Variants in TDRD15 observed in about 807,000 individuals in gnomAD.
TDRD15 encodes the protein tudor domain-containing protein 15.
For missense variants in TDRD15, 1,416 were observed against 904.7 expected, an observed-to-expected ratio of 1.57 and a Z score of -7.25; for synonymous variants, 503 against 314.5, an observed-to-expected ratio of 1.60 and a Z score of -6.34.
chr2:21,133,857 G>A (rs1054449876), intron 2 of TDRD15, among the ~76,000 whole-genome samples: 1 of 151,928 alleles, frequency 6.6e-6, no homozygotes, highest in African/African-American at 2.4e-5. Context: ...AGTGTAAAAT[G>A]TACACCATAG....
downstream of TDRD15, among the ~76,000 whole-genome samples, chr2:21,146,140 T>A (rs533954761): frequency 8.5e-5 from 13 of 152,114 alleles, no homozygotes; most frequent in Middle Eastern, 3.4e-3. Context: ...AAAAAATAAT[T>A]TTAGGCTTTC....
chr2:21,133,205 G>A (rs1665752193), intron 2 of TDRD15, among the ~76,000 whole-genome samples: 1 of 152,178 alleles, frequency 6.6e-6, no homozygotes, highest in African/African-American at 2.4e-5. Flanking sequence ...TGGAAAAGAT[G>A]GGAGGAGGAA....
intron 1 of TDRD15, among the ~76,000 whole-genome samples, chr2:21,125,490 T>TG (rs1475887057): frequency 1.3e-5 from 2 of 151,008 alleles, no homozygotes; most frequent in African/African-American, 2.4e-5. Context: ...TGTGAGTTGT[T>TG]GCGTGTGTGT....
chr2:21,140,045 G>A lies in TDRD15; in HGVS notation c.2578G>A (p.Ala860Thr). 2 of 715,768 alleles carry A rather than the reference G, an allele frequency of 2.8e-6. No homozygotes were observed. Among genetic ancestry groups the A allele is most frequent in the East Asian group, 2.7e-5 (1 of 37,262 alleles). 44.3% of individuals were successfully genotyped at this position (715,768 alleles called of 1,614,324 possible). A position where few individuals can be genotyped will look rare whatever the true frequency, so the allele number is the denominator to read the frequency against. ...NPRFLLLESQ[A>T]FRCCLNHFIE... Reference sequence around the variant, plus strand: ...ACGTTTTCTCTTGTTAGAAAGCCAAGCCTTCAGATGTTGTCTTAACCATTT... The same window carrying A: ...ACGTTTTCTCTTGTTAGAAAGCCAAACCTTCAGATGTTGTCTTAACCATTT... Residue 860 changes from alanine to threonine, a missense_variant, in exon 4 of 4, where the codon GCC (alanine) becomes ACC (threonine). Ala to Thr is a moderately conservative substitution (Grantham distance 58, BLOSUM62 0). Coordinates refer to ENST00000405799, the MANE Select transcript of TDRD15 (RefSeq NM_001306137.2).
chr2:21,142,979 C>T lies in TDRD15; in HGVS notation c.5512C>T (p.Leu1838Phe). 1 of 704,378 alleles carries T rather than the reference C, an allele frequency of 1.4e-6. No homozygotes were observed. Among genetic ancestry groups the T allele is most frequent in the African/African-American group, 1.8e-5 (1 of 56,260 alleles). The allele number at this position is 704,378 out of a possible 1,614,324, so 43.6% of individuals were successfully genotyped here. ...IINLKVVPEE[L>F]LNLPRLSYPC... ...AAATCTTAAAGTTGTTCCTGAGGAA[C>T]TTTTGAATTTGCCAAGGCTGAGTTA... The change falls in exon 4 of 4, where the codon CTT becomes TTT. Residue 1838 changes from leucine (L) to phenylalanine (F), a missense_variant. By Grantham distance (22) the Leu-to-Phe change is conservative. Coordinates refer to ENST00000405799, the MANE Select transcript of TDRD15 (RefSeq NM_001306137.2).
intron 3 of TDRD15, among the ~76,000 whole-genome samples, chr2:21,136,105 A>G (rs1401884331): frequency 1.3e-5 from 2 of 152,044 alleles, no homozygotes; most frequent in East Asian, 3.9e-4. Context: ...AATGCCAGGA[A>G]GACAGTTTTG....
intron 1 of TDRD15, among the ~76,000 whole-genome samples, chr2:21,124,576 C>T (rs1665542280): frequency 1.6e-5 from 2 of 128,262 alleles, no homozygotes; most frequent in African/African-American, 3.0e-5. Flanking sequence ...ACAGAGTGAT[C>T]CTAATGCCAG....
intron 1 of TDRD15, among the ~76,000 whole-genome samples, chr2:21,126,378 T>C (rs972020393): frequency 2.0e-5 from 3 of 152,166 alleles, no homozygotes; most frequent in Admixed American, 6.5e-5. Context: ...TTTTTTTTTT[T>C]TCTTTGAGAC....
rs1187824281 is a variant in TDRD15, at chr2:21,143,213, A to G, written c.5746A>G (p.Lys1916Glu). 1.5e-6 allele frequency: 1 copy of G among 679,296 alleles called. No individual in the cohort carries two copies. The highest frequency in any genetic ancestry group is 1.8e-5 in the African/African-American group (1 of 55,636). 42.1% of individuals were successfully genotyped at this position (679,296 alleles called of 1,614,324 possible). A position where few individuals can be genotyped will look rare whatever the true frequency, so the allele number is the denominator to read the frequency against. ...TGCATCTGGTCTCGCAACTTATTCT[A>G]AAGATTCACCTCATCTTGATGCAAT... is the stretch of plus-strand genomic sequence containing the variant. ...LVASGLATYS[K>E]DSPHLDAITA... The change falls in exon 4 of 4, where the codon AAA becomes GAA. Residue 1916 changes from lysine to glutamate, a missense_variant. Physicochemically the swap from Lys to Glu is moderately conservative, Grantham distance 56. Transcript: ENST00000405799.
chr2:21,138,278 A>G lies in TDRD15; in HGVS notation c.811A>G (p.Thr271Ala), dbSNP rs939401973. The change falls in exon 4 of 4, where the codon ACA (threonine) becomes GCA (alanine). Residue 271 changes from threonine to alanine, a missense_variant. Physicochemically the swap from Thr to Ala is moderately conservative, Grantham distance 58 (BLOSUM62 0). Transcript: ENST00000405799. ...IKWTPELENL[T>A]AHMTLHYDTV... The stretch of plus-strand genomic sequence containing the variant: ...ATGGACTCCAGAGCTAGAAAACTTG[A>G]CAGCACATATGACTTTGCATTATGA... 2.8e-6 allele frequency: 2 copies of G among 716,152 alleles called. No individual in the cohort carries two copies. The highest frequency in any genetic ancestry group is 3.5e-5 in the African/African-American group (2 of 57,172). The allele number at this position is 716,152 out of a possible 1,614,324, so 44.4% of individuals were successfully genotyped here.
intron 2 of TDRD15, among the ~76,000 whole-genome samples, chr2:21,128,299 T>A (rs990703544): frequency 8.6e-5 from 13 of 151,908 alleles, no homozygotes; most frequent in African/African-American, 2.9e-4. Flanking sequence ...GTTTTTTTTT[T>A]AAATCTGTCA....
Position 21,138,958 on chromosome 2 carries a change from C to T in TDRD15, c.1491C>T (p.Phe497=), listed in dbSNP as rs1665866308. The T allele has an allele frequency of 1.4e-6, 1 of 713,376 alleles. No homozygotes were observed. Among genetic ancestry groups the T allele is most frequent in the Non-Finnish European group, 2.6e-6 (1 of 383,414 alleles). The allele number at this position is 713,376 out of a possible 1,614,324, so 44.2% of individuals were successfully genotyped here. The change falls in exon 4 of 4, where the codon TTC becomes TTT. Residue 497 remains phenylalanine, a synonymous_variant. Coordinates refer to ENST00000405799, the MANE Select transcript of TDRD15 (RefSeq NM_001306137.2). ...FIAYVLNPSN[F]WVRTNDHRNE... is the part of the protein sequence containing the mutation. ...CATATGTATTAAACCCATCAAATTT[C>T]TGGGTACGCACTAATGACCATCGGA...
chr2:21,138,171 C>T lies in TDRD15; in HGVS notation c.704C>T (p.Pro235Leu), dbSNP rs1201237573. The stretch of plus-strand genomic sequence containing the variant: ...CAGCATGTTCTGGATAAGTTGCAGC[C>T]ATCTTTGTCAGTAGGAAGTACTGAA... ...DIQHVLDKLQPSLSVGSTESV... is the reference protein window; with the variant it reads ...DIQHVLDKLQLSLSVGSTESV... Residue 235 changes from proline to leucine, a missense_variant, in exon 4 of 4, where the codon CCA becomes CTA. Physicochemically the swap from Pro to Leu is moderately conservative, Grantham distance 98 (BLOSUM62 -3). Transcript: ENST00000405799. The T allele has an allele frequency of 2.8e-6, 2 of 716,710 alleles. No individual in the cohort carries two copies. The highest frequency in any genetic ancestry group is 4.0e-5 in the Admixed American group (2 of 49,948). The allele number at this position is 716,710 out of a possible 1,614,324, so 44.4% of individuals were successfully genotyped here. A position where few individuals can be genotyped will look rare whatever the true frequency, so the allele number is the denominator to read the frequency against.
At position 21,144,322 on chromosome 2, in the gene TDRD15, C is replaced by T. The variant is rs573137974; in HGVS notation, c.*1050C>T. The stretch of plus-strand genomic sequence containing the variant: ...TTTGTAGGCTGTAAAGAATGTTCCC[C>T]GGCAAATGTTTGTTTTGACTTTATA... On this transcript the variant is annotated 3_prime_UTR_variant, in exon 4 of 4. Transcript: ENST00000405799. 1.3e-4 allele frequency among the ~76,000 whole-genome samples: 19 copies of T among 151,820 alleles called. No homozygotes were observed. The highest frequency in any genetic ancestry group is 3.9e-4 in the East Asian group (2 of 5,176).
chr2:21,139,001 A>G lies in TDRD15; in HGVS notation c.1534A>G (p.Met512Val). ...CCATCGGAATGAATTTCAAGAAATA[A>G]TGAAAAACATAAACAAATTTTATGA... ...NDHRNEFQEI[M>V]KNINKFYDLC... Residue 512 changes from methionine (M) to valine (V), a missense_variant, in exon 4 of 4, where the codon ATG becomes GTG. Transcript: ENST00000405799. 1 of 712,444 alleles carries G rather than the reference A, an allele frequency of 1.4e-6. No homozygotes were observed. Among genetic ancestry groups the G allele is most frequent in the Non-Finnish European group, 2.6e-6 (1 of 383,268 alleles). 44.1% of individuals were successfully genotyped at this position (712,444 alleles called of 1,614,324 possible). A position where few individuals can be genotyped will look rare whatever the true frequency, so the allele number is the denominator to read the frequency against.
chr2:21,137,186 G>T (rs1665823254), intron 3 of TDRD15, among the ~76,000 whole-genome samples: 2 of 151,862 alleles, frequency 1.3e-5, no homozygotes, highest in Admixed American at 1.3e-4. Context: ...GGAAAATAAA[G>T]GTTGCTCCTC....
Position 21,132,578 on chromosome 2 carries a change from G to T in TDRD15, c.-89-2184G>T, listed in dbSNP as rs1012795087. Among the ~76,000 whole-genome samples the T allele has an allele frequency of 2.0e-5, 3 of 151,962 alleles. No homozygotes were observed. The East Asian group carries it at 5.8e-4, about 29-fold the overall frequency. Reference sequence around the variant, plus strand: ...GTGAGTGGAATGATAGTGGGGTCATGGATGATGAAGATATTTGGCTTGAGA... The same window carrying T: ...GTGAGTGGAATGATAGTGGGGTCATTGATGATGAAGATATTTGGCTTGAGA... On this transcript the variant is annotated intron_variant, in intron 2 of 3. Transcript: ENST00000405799.
At position 21,140,243 on chromosome 2, in the gene TDRD15, G is replaced by T. The variant is rs1665894509; in HGVS notation, c.2776G>T (p.Ala926Ser). The T allele has an allele frequency of 1.4e-6, 1 of 715,286 alleles. No individual in the cohort carries two copies. Among genetic ancestry groups the T allele is most frequent in the Non-Finnish European group, 2.6e-6 (1 of 383,748 alleles). The allele number at this position is 715,286 out of a possible 1,614,324, so 44.3% of individuals were successfully genotyped here. A position where few individuals can be genotyped will look rare whatever the true frequency, so the allele number is the denominator to read the frequency against. ...GGATTTACAGTCCTCATTTACTAGTGCAAAAGAATTTCTTATGAATCGTGG... is the reference window on the plus strand; with the variant it reads ...GGATTTACAGTCCTCATTTACTAGTTCAAAAGAATTTCTTATGAATCGTGG... ...LVDLQSSFTSAKEFLMNRGSA... is the reference protein window; with the variant it reads ...LVDLQSSFTSSKEFLMNRGSA... Residue 926 changes from alanine to serine, a missense_variant, in exon 4 of 4, where the codon GCA becomes TCA. Ala to Ser is a moderately conservative substitution (Grantham distance 99, BLOSUM62 1). Coordinates refer to ENST00000405799, the MANE Select transcript of TDRD15 (RefSeq NM_001306137.2).
intron 1 of TDRD15, among the ~76,000 whole-genome samples, chr2:21,125,851 A>G (rs1192607390): frequency 1.3e-5 from 2 of 152,112 alleles, no homozygotes; most frequent in Admixed American, 1.3e-4. Flanking sequence ...TACCTTTTTT[A>G]TATTACTCTG....
Sources: allele counts gnomAD v4.1 joint callset (sites outside exome capture counted in the v4.1 genomes callset), GRCh38; gene constraint gnomAD v4.1.1; transcripts MANE v1.5; gene names NCBI Gene and HGNC (gene_info 2026-07-23, HGNC 2026-07-21).